MTMR12: variants seen among roughly 807,000 people sequenced by gnomAD.
MTMR12 encodes the protein myotubularin-related protein 12.
MTMR12 carries 33 observed loss-of-function variants against 96.7 expected under a neutral mutation model. The observed-to-expected ratio is 0.34, with a 90% CI of 0.26 to 0.46. MTMR12 has a LOEUF of 0.46. MTMR12 is among the 20% of genes least tolerant of loss of function. The probability of loss-of-function intolerance (pLI) is 1.00; values close to 1 mark genes in which losing one functional copy is unlikely to be tolerated. For missense variants in MTMR12, 721 were observed against 896.1 expected (o/e 0.80, Z 2.49); for synonymous variants, 298 against 327.2 (o/e 0.91, Z 0.96).
rs532783407 is a variant in MTMR12, at chr5:32,264,160, C to G, written c.584-918G>C. Reference sequence around the variant, plus strand: ...CCACTACCTGCTAGGACAAAATGCCCTGGAGCACCGCTCTTGCAGCCTAGC... The same window carrying G: ...CCACTACCTGCTAGGACAAAATGCCGTGGAGCACCGCTCTTGCAGCCTAGC... On this transcript the variant is annotated intron_variant, in intron 6 of 15. Transcript: ENST00000382142. Among the ~76,000 whole-genome samples, 768 of 152,286 alleles carry G rather than the reference C, an allele frequency of 5.0e-3. 9 individuals are homozygous for G. The highest frequency in any genetic ancestry group is 0.017 in the African/African-American group (706 of 41,556).
At chr5:32,308,523 C>T (rs1751442679) in intron 1 of MTMR12, among the ~76,000 whole-genome samples, 1 of 152,116 alleles carries the variant, frequency 6.6e-6, no homozygotes, top group Non-Finnish European at 1.5e-5. Context: ...ATGTTGCTCA[C>T]CTGCATTTCC....
chr5:32,271,434 G>A (rs983058783), intron 4 of MTMR12, among the ~76,000 whole-genome samples: 4 of 152,146 alleles, frequency 2.6e-5, no homozygotes, highest in African/African-American at 4.8e-5. Context: ...AAAAACATTC[G>A]GAAGTGGAAC....
intron 1 of MTMR12, among the ~76,000 whole-genome samples, chr5:32,278,906 C>T (rs1027088909): frequency 4.0e-5 from 6 of 150,006 alleles, no homozygotes; most frequent in Admixed American, 6.6e-5. Flanking sequence ...GGAGAAACCC[C>T]GTCTCTACTA....
chr5:32,252,573 C>T (rs1239704991), intron 8 of MTMR12, among the ~76,000 whole-genome samples: 2 of 152,096 alleles, frequency 1.3e-5, no homozygotes, highest in Non-Finnish European at 2.9e-5. Context: ...GATCTTAGAC[C>T]CCTTCATGTT....
chr5:32,301,298 A>C (rs1343345968), intron 1 of MTMR12, among the ~76,000 whole-genome samples: 1 of 152,190 alleles, frequency 6.6e-6, no homozygotes, highest in Non-Finnish European at 1.5e-5. Flanking sequence ...GTACTTGCTG[A>C]TGCCAAACAA....
chr5:32,249,022 G>A, intron 8 of MTMR12, 144 bp from the exon 9 acceptor site: 1 of 644,818 alleles, frequency 1.6e-6, no homozygotes, highest in Non-Finnish European at 2.8e-6. Context: ...AAGCCTGGGA[G>A]TATTTAGTCA....
intron 6 of MTMR12, among the ~76,000 whole-genome samples, 193 bp downstream of exon 6, chr5:32,268,508 T>TAAA (rs72294899): frequency 2.2e-5 from 3 of 136,206 alleles, no homozygotes; most frequent in Admixed American, 1.5e-4. Flanking sequence ...ACTCCATCTT[T>TAAA]AAAAAAAAAA....
rs1326094684 is a variant in MTMR12 at position 32,276,664 on chromosome 5, T to G, written c.142+18A>C. ...GCTTTGCCTTGCATAGGAGTTACTA[T>G]GCTAACATGACAGTTACCTGGCAAC... On this transcript the variant is annotated intron_variant, in intron 2 of 15. Coordinates refer to ENST00000382142, the MANE Select transcript of MTMR12 (RefSeq NM_001040446.3). 5 of 1,607,948 alleles carry G rather than the reference T, an allele frequency of 3.1e-6. No individual in the cohort carries two copies. The African/African-American group carries it at 5.3e-5, about 17-fold the overall frequency.
chr5:32,242,635 C>G (rs570178515), intron 11 of MTMR12, among the ~76,000 whole-genome samples: 3 of 151,706 alleles, frequency 2.0e-5, no homozygotes, highest in African/African-American at 7.3e-5. Flanking sequence ...GCCTTCACAT[C>G]TGTTGTCTTC....
At chr5:32,281,267 A>AAC (rs1750284824) in intron 1 of MTMR12, among the ~76,000 whole-genome samples, 4 of 150,436 alleles carry the variant, frequency 2.7e-5, no homozygotes, top group South Asian at 4.2e-4. Flanking sequence ...AAAAAAAACA[A>AAC]AAAAAACTGT....
chr5:32,279,395 G>A (rs1750193735), intron 1 of MTMR12, among the ~76,000 whole-genome samples: 1 of 152,050 alleles, frequency 6.6e-6, no homozygotes, highest in East Asian at 1.9e-4. Context: ...ATTCCAGCCT[G>A]AGAAACAGAG....
At position 32,230,169 on chromosome 5, in the gene MTMR12, C is replaced by G; in HGVS notation, c.1853G>C (p.Ser618Thr). Reference sequence around the variant, plus strand: ...CAAACCATGGTAGTCAGTGGACTTGCTATGCCAGCTGTCATAGAACTCTCG... The same window carrying G: ...CAAACCATGGTAGTCAGTGGACTTGGTATGCCAGCTGTCATAGAACTCTCG... ...NFREFYDSWH[S>T]KSTDYHGLLL... The change falls in exon 16 of 16, where the codon AGC (serine) becomes ACC (threonine). Residue 618 changes from serine to threonine, a missense_variant. By Grantham distance (58) the Ser-to-Thr change is moderately conservative. Transcript: ENST00000382142. 1 of 1,614,190 alleles carries G rather than the reference C, an allele frequency of 6.2e-7. No individual in the cohort carries two copies. Among genetic ancestry groups the G allele is most frequent in the African/African-American group, 1.3e-5 (1 of 75,056 alleles).
At chr5:32,308,703 G>C (rs1014877711) in intron 1 of MTMR12, among the ~76,000 whole-genome samples, 17 of 151,840 alleles carry the variant, frequency 1.1e-4, no homozygotes, top group African/African-American at 4.1e-4. Flanking sequence ...TGGGTTCAAG[G>C]GATTCTCCTG....
Position 32,239,078 on chromosome 5 carries a change from T to G in MTMR12, c.1267A>C (p.Ile423Leu). 1 of 1,610,468 alleles carries G rather than the reference T, an allele frequency of 6.2e-7. No homozygotes were observed. The highest frequency in any genetic ancestry group is 1.3e-5 in the African/African-American group (1 of 75,038). Residue 423 changes from isoleucine to leucine, a missense_variant, in exon 13 of 16, where the codon ATC (isoleucine) becomes CTC (leucine). Ile to Leu is a conservative substitution (Grantham distance 5). Coordinates refer to ENST00000382142, the MANE Select transcript of MTMR12 (RefSeq NM_001040446.3). ...CRTRIGFQSL[I>L]QKEWVMGGHC... ...CCACCCATGACCCACTCCTTTTGGA[T>G]GAGGCTCTGGAAACCAATTCTGGTT... is the stretch of plus-strand genomic sequence containing the variant.
chr5:32,248,057 C>G lies in MTMR12; in HGVS notation c.966G>C (p.Leu322=), dbSNP rs771587727. The G allele has an allele frequency of 1.9e-6, 3 of 1,613,990 alleles. No individual in the cohort carries two copies. The highest frequency in any genetic ancestry group is 1.7e-5 in the Admixed American group (1 of 60,020). The stretch of plus-strand genomic sequence containing the variant: ...ATGCAGTCTGGATTTCCTGCAGGGA[C>G]AGGAAGTTGCTTGACAGGTCTTCCG... ...VKTEDLSSNF[L]SLQEIQTAYS... is the part of the protein sequence containing the mutation. Residue 322 remains leucine, a synonymous_variant, in exon 10 of 16, where the codon CTG becomes CTC. Coordinates refer to ENST00000382142, the MANE Select transcript of MTMR12 (RefSeq NM_001040446.3).
intron 6 of MTMR12, among the ~76,000 whole-genome samples, chr5:32,266,322 A>G (rs1219878718): frequency 6.6e-6 from 1 of 152,216 alleles, no homozygotes; most frequent in Non-Finnish European, 1.5e-5. Context: ...CATATTTACT[A>G]AAAGAATGGA....
At chr5:32,237,228 G>A (rs1170195276) in intron 13 of MTMR12, among the ~76,000 whole-genome samples, 1 of 152,214 alleles carries the variant, frequency 6.6e-6, no homozygotes, top group African/African-American at 2.4e-5. Context: ...AGCGCTGCAG[G>A]TGAGTTGATT....
intron 1 of MTMR12, among the ~76,000 whole-genome samples, chr5:32,295,878 G>A (rs570021960): frequency 4.6e-5 from 7 of 152,310 alleles, no homozygotes; most frequent in African/African-American, 1.4e-4. Context: ...TTAAGGCTGG[G>A]CATGGTGGCT....
chr5:32,288,135 G>A (rs1366405183), intron 1 of MTMR12, among the ~76,000 whole-genome samples: 1 of 152,192 alleles, frequency 6.6e-6, no homozygotes, highest in Non-Finnish European at 1.5e-5. Context: ...GCCTCGCCAG[G>A]TGTCTTTTGT....
Sources: allele counts gnomAD v4.1 joint callset (sites outside exome capture counted in the v4.1 genomes callset), GRCh38; gene constraint gnomAD v4.1.1; transcripts MANE v1.5; gene names NCBI Gene and HGNC (gene_info 2026-07-23, HGNC 2026-07-21).